The following PALS1 variants were observed in gnomAD, a reference collection of about 807,000 sequenced individuals.
The protein encoded by PALS1 is protein PALS1.
Under a neutral mutation model 78.9 loss-of-function variants are expected in PALS1, and 31 were observed. That is an observed-to-expected ratio of 0.39 (90% confidence interval 0.30 to 0.53). The LOEUF (loss-of-function observed/expected upper bound fraction) is 0.53, where lower values mean the gene tolerates loss of function less well. Ranked by LOEUF, PALS1 falls within the 20% of genes least tolerant of loss-of-function variation. The pLI is 0.67. For missense variants in PALS1, 704 were observed against 826.5 expected, an observed-to-expected ratio of 0.85 and a Z score of 1.82; for synonymous variants, 276 against 270.9, an observed-to-expected ratio of 1.02 and a Z score of -0.18.
Position 67,302,102 on chromosome 14 carries a change from C to G in PALS1, c.785C>G (p.Ala262Gly), listed in dbSNP as rs1339261703. 6.2e-7 allele frequency: 1 copy of G among 1,602,652 alleles called. No homozygotes were observed. The highest frequency in any genetic ancestry group is 1.3e-5 in the African/African-American group (1 of 74,084). Residue 262 changes from alanine to glycine, a missense_variant, in exon 6 of 15, where the codon GCT becomes GGT. Transcript: ENST00000261681. Reference protein sequence around the residue: ...ETVKIVRIEKARDIPLGATVR... With the variant: ...ETVKIVRIEKGRDIPLGATVR... ...GTAAAAATAGTTCGTATAGAAAAGG[C>G]TCGTGATATTCCGTTGGTAAGTGTC...
chr14:67,243,857 G>A (rs1204490097), intron 1 of PALS1, among the ~76,000 whole-genome samples: 1 of 152,152 alleles, frequency 6.6e-6, no homozygotes, highest in East Asian at 1.9e-4. Flanking sequence ...AGTAATCTTA[G>A]TGGTTATATA....
chr14:67,284,564 A>C (rs1416034866), intron 3 of PALS1, among the ~76,000 whole-genome samples: 1 of 139,050 alleles, frequency 7.2e-6, no homozygotes, highest in African/African-American at 2.7e-5. Flanking sequence ...AAAAAAAAAA[A>C]AAAAAAAAAA....
At chr14:67,269,990 G>T (rs1186492158) in intron 2 of PALS1, 1 of 152,198 alleles carries the variant, frequency 6.6e-6, no homozygotes, top group African/African-American at 2.4e-5. Flanking sequence ...GGACACTAGT[G>T]TAGACTGAAC....
intron 14 of PALS1, among the ~76,000 whole-genome samples, chr14:67,327,838 A>T (rs961112183): frequency 1.3e-5 from 2 of 152,152 alleles, no homozygotes; most frequent in African/African-American, 4.8e-5. Context: ...TTTTGGCTGC[A>T]TAGTATTCCA....
intron 3 of PALS1, chr14:67,279,812 A>C: frequency 2.8e-6 from 1 of 352,704 alleles, no homozygotes; most frequent in East Asian, 4.1e-5. Flanking sequence ...AAGCCTTGAA[A>C]TTTACCTTTT....
At chr14:67,332,641 T>A in intron 14 of PALS1, 139 bp from the exon 15 acceptor site, 1 of 787,886 alleles carries the variant, frequency 1.3e-6, no homozygotes, top group South Asian at 2.1e-5. Flanking sequence ...GTGACAGGGT[T>A]GGAAAGGAGC....
chr14:67,315,457 T>C (rs2085155992), intron 9 of PALS1, among the ~76,000 whole-genome samples: 1 of 151,968 alleles, frequency 6.6e-6, no homozygotes, highest in Non-Finnish European at 1.5e-5. Context: ...TTTGTATTTT[T>C]AGTAGAGATG....
chr14:67,256,173 C>A (rs1199261390), intron 1 of PALS1, among the ~76,000 whole-genome samples: 1 of 152,174 alleles, frequency 6.6e-6, no homozygotes, highest in Admixed American at 6.5e-5. Context: ...CTATTATCCT[C>A]ATTTTTCAGA....
chr14:67,308,219 C>T (rs933324049), intron 8 of PALS1, among the ~76,000 whole-genome samples: 1 of 144,996 alleles, frequency 6.9e-6, no homozygotes, highest in African/African-American at 2.7e-5. Flanking sequence ...AGTTGGATCC[C>T]TGAACTTAAC....
intron 9 of PALS1, among the ~76,000 whole-genome samples, chr14:67,314,462 G>A (rs2085138673): frequency 6.6e-6 from 1 of 152,168 alleles, no homozygotes; most frequent in South Asian, 2.1e-4. Flanking sequence ...CATATTTTAA[G>A]GAAGGAGGAA....
intron 14 of PALS1, among the ~76,000 whole-genome samples, chr14:67,330,967 T>G (rs2085439248): frequency 1.3e-5 from 2 of 152,234 alleles, no homozygotes; most frequent in Admixed American, 1.3e-4. Flanking sequence ...CCTGTTAGGA[T>G]GTGTATTCCA....
rs143784881 is a variant in PALS1, at chr14:67,257,345, G to A, written c.-236-12356G>A. 3.0e-4 allele frequency among the ~76,000 whole-genome samples: 46 copies of A among 152,258 alleles called. No individual in the cohort carries two copies. The South Asian group carries it at 8.3e-3, about 27-fold the overall frequency. On this transcript the variant is annotated intron_variant, in intron 1 of 14. Transcript: ENST00000261681. ...CAAGGAATTTCCTTGTGGGCAAATG[G>A]TGAGGGAGGTATGTAGCTTTTTATC...
intron 10 of PALS1, 57 bp downstream of exon 10, chr14:67,316,960 A>G: frequency 1.4e-6 from 2 of 1,393,968 alleles, no homozygotes; most frequent in Non-Finnish European, 2.0e-6. Context: ...ATCTGGAGCC[A>G]TGTGTGAATC....
chr14:67,247,146 A>G (rs1175033908), intron 1 of PALS1, among the ~76,000 whole-genome samples: 2 of 152,232 alleles, frequency 1.3e-5, no homozygotes, highest in Non-Finnish European at 2.9e-5. Context: ...GATAATTGAC[A>G]TCTTAATAAT....
intron 2 of PALS1, among the ~76,000 whole-genome samples, chr14:67,274,939 A>G (rs2084475463): frequency 6.6e-6 from 1 of 152,190 alleles, no homozygotes; most frequent in Non-Finnish European, 1.5e-5. Context: ...TTATTGGTGT[A>G]TAAGAATGCT....
intron 1 of PALS1, among the ~76,000 whole-genome samples, chr14:67,256,451 G>A (rs1439086544): frequency 1.3e-5 from 2 of 152,088 alleles, no homozygotes; most frequent in Admixed American, 1.3e-4. Flanking sequence ...AATTTTAACA[G>A]TGTATTTTAT....
chr14:67,278,964 C>T (rs751785780), intron 2 of PALS1, 54 bp from the exon 3 acceptor site: 6 of 442,168 alleles, frequency 1.4e-5, no homozygotes, highest in Non-Finnish European at 2.3e-5. Flanking sequence ...TCTGTAAAAA[C>T]CTGCTTTTAT....
chr14:67,249,906 G>A (rs1169750923), intron 1 of PALS1, among the ~76,000 whole-genome samples: 2 of 152,204 alleles, frequency 1.3e-5, no homozygotes, highest in Non-Finnish European at 2.9e-5. Flanking sequence ...TGAGCTAGGT[G>A]CTCTGCTAGG....
At chr14:67,294,932 A>T (rs1020355369) in intron 4 of PALS1, 1 of 152,058 alleles carries the variant, frequency 6.6e-6, no homozygotes, top group African/African-American at 2.4e-5. Context: ...TCGGCCTCCC[A>T]AAGTGCTGGG....
Sources: gnomAD v4.1 joint callset for allele counts (sites outside exome capture counted in the v4.1 genomes callset) on GRCh38, gnomAD v4.1.1 for gene constraint, MANE v1.5 for transcripts, NCBI Gene and HGNC (gene_info 2026-07-23, HGNC 2026-07-21) for gene names.